The following CDHR3 variants were observed in gnomAD, a reference collection of about 807,000 sequenced individuals.
CDHR3 encodes the protein cadherin related family member 3.
A neutral mutation model predicts 86.6 loss-of-function variants in CDHR3; 79 were observed. The observed-to-expected ratio is 0.91, with a 90% CI of 0.76 to 1.10. The LOEUF is 1.10. Ranked by LOEUF, CDHR3 falls within the 50% of genes least tolerant of loss-of-function variation. The pLI is 0.00. For missense variants in CDHR3, 1,081 were observed against 1,077.6 expected (o/e 1.00, Z -0.04); for synonymous variants, 421 against 402.4 (o/e 1.05, Z -0.55).
At chr7:106,009,086 T>C (rs1834370942) in intron 8 of CDHR3, among the ~76,000 whole-genome samples, 1 of 152,218 alleles carries the variant, frequency 6.6e-6, no homozygotes, top group Admixed American at 6.5e-5. Context: ...AACAGAGTCC[T>C]GCACTTGATA....
Position 106,020,515 on chromosome 7 carries a change from C to G in CDHR3, c.1796C>G (p.Pro599Arg), listed in dbSNP as rs778459268. 6.2e-7 allele frequency: 1 copy of G among 1,613,876 alleles called. No homozygotes were observed. The highest frequency in any genetic ancestry group is 1.1e-5 in the South Asian group (1 of 91,068). The change falls in exon 13 of 19, where the codon CCC becomes CGC. Residue 599 changes from proline (P) to arginine (R), a missense_variant. Coordinates refer to ENST00000317716, the MANE Select transcript of CDHR3 (RefSeq NM_152750.5). ...KLTCTDLDSS[P>R]RSFRYSIGPG... The stretch of plus-strand genomic sequence containing the variant: ...ACATGTACCGACCTTGATTCCAGCC[C>G]CAGATCTTTCCGTTATTCCATTGGC...
At chr7:105,996,473 A>C in intron 6 of CDHR3, 119 bp downstream of exon 6, 1 of 563,438 alleles carries the variant, frequency 1.8e-6, no homozygotes, top group South Asian at 2.5e-5. Context: ...GGCCTGCAGG[A>C]AAGATTAGAG....
At chr7:106,003,989 C>CAAAAAAAAAA (rs55815648) in intron 7 of CDHR3, among the ~76,000 whole-genome samples, 41 of 79,906 alleles carry the variant, frequency 5.1e-4, no homozygotes, top group East Asian at 8.7e-4. Flanking sequence ...CCAACCTAAC[C>CAAAAAAAAAA]AAAAAAAAAA....
At chr7:106,001,663 T>C in intron 7 of CDHR3, 53 bp downstream of exon 7, 1 of 1,605,642 alleles carries the variant, frequency 6.2e-7, no homozygotes, top group Non-Finnish European at 8.5e-7. Context: ...GCCATGTGGA[T>C]TGTCTTACAA....
intron 11 of CDHR3, among the ~76,000 whole-genome samples, 190 bp from the exon 12 acceptor site, chr7:106,017,656 G>A (rs1024015734): frequency 6.6e-6 from 1 of 151,828 alleles, no homozygotes; most frequent in African/African-American, 2.4e-5. Flanking sequence ...TTGGATCATA[G>A]GGTCAGTTAC....
At position 106,030,943 on chromosome 7, in the gene CDHR3, A is replaced by G; in HGVS notation, c.2353+103A>G. The G allele has an allele frequency of 8.5e-7, 1 of 1,177,530 alleles. No homozygotes were observed. The highest frequency in any genetic ancestry group is 1.2e-6 in the Non-Finnish European group (1 of 812,008). The allele number at this position is 1,177,530 out of a possible 1,614,324, so 72.9% of individuals were successfully genotyped here. A position where few individuals can be genotyped will look rare whatever the true frequency, so the allele number is the denominator to read the frequency against. On this transcript the variant is annotated intron_variant, in intron 18 of 18. Coordinates refer to ENST00000317716, the MANE Select transcript of CDHR3 (RefSeq NM_152750.5). The surrounding 1 kb of genome is among the most constrained non-coding windows in gnomAD (Gnocchi z 4.8). ...TTCCTGCTTTTAGCTCATTTTGTCA[A>G]TCCGTTTGGCTATGTTGCCTATATA...
rs934947249 is a variant in CDHR3 at position 106,036,141 on chromosome 7, G to A, written c.*3444G>A. 1 of 152,152 alleles carries A rather than the reference G, an allele frequency of 6.6e-6. No individual in the cohort carries two copies. Among genetic ancestry groups the A allele is most frequent in the African/African-American group, 2.4e-5 (1 of 41,430 alleles). 9.4% of individuals were successfully genotyped at this position (152,152 alleles called of 1,614,324 possible). A position where few individuals can be genotyped will look rare whatever the true frequency, so the allele number is the denominator to read the frequency against. ...GTAGATTGTGACATTGGAGCTTTTTGTTGTGCTCATTAGAAAGCAGGGTCT... is the reference window on the plus strand; with the variant it reads ...GTAGATTGTGACATTGGAGCTTTTTATTGTGCTCATTAGAAAGCAGGGTCT... On this transcript the variant is annotated 3_prime_UTR_variant, in exon 19 of 19. Coordinates refer to ENST00000317716, the MANE Select transcript of CDHR3 (RefSeq NM_152750.5).
chr7:105,973,340 G>A (rs752717381), intron 1 of CDHR3, among the ~76,000 whole-genome samples: 13 of 152,034 alleles, frequency 8.6e-5, no homozygotes, highest in Non-Finnish European at 1.6e-4. Context: ...CGTTTCCTAG[G>A]GCTGCTGTAA....
intron 7 of CDHR3, among the ~76,000 whole-genome samples, chr7:106,002,405 C>T (rs1833326751): frequency 6.6e-6 from 1 of 152,134 alleles, no homozygotes; most frequent in Non-Finnish European, 1.5e-5. Context: ...GTGTGATAAA[C>T]CTGGGAGAAT....
chr7:106,026,639 A>G (rs1452981185), intron 15 of CDHR3, 43 bp from the exon 16 acceptor site: 1 of 1,610,182 alleles, frequency 6.2e-7, no homozygotes, highest in Middle Eastern at 1.6e-4. Context: ...CCAGTGCAGC[A>G]TACTTTCAAG....
In CDHR3 at chr7:106,035,778, T is replaced by C. The variant is rs985177114; in HGVS notation, c.*3081T>C. The C allele has an allele frequency of 2.0e-5, 3 of 152,184 alleles. No individual in the cohort carries two copies. Among genetic ancestry groups the C allele is most frequent in the Middle Eastern group, 3.4e-3 (1 of 292 alleles). 9.4% of individuals were successfully genotyped at this position (152,184 alleles called of 1,614,324 possible). On this transcript the variant is annotated 3_prime_UTR_variant, in exon 19 of 19. Coordinates refer to ENST00000317716, the MANE Select transcript of CDHR3 (RefSeq NM_152750.5). The stretch of plus-strand genomic sequence containing the variant: ...GTCACGCTCCTGTGCAAACATCTGA[T>C]TGGTTGCAAAAAGCAACCAATCAGA...
At chr7:105,967,048 G>C (rs1322867647) in intron 1 of CDHR3, among the ~76,000 whole-genome samples, 1 of 151,866 alleles carries the variant, frequency 6.6e-6, no homozygotes, top group Non-Finnish European at 1.5e-5. Context: ...TTGGTGTGCT[G>C]CACTCATTAA....
At position 106,020,449 on chromosome 7, in the gene CDHR3, T is replaced by A; in HGVS notation, c.1730T>A (p.Val577Glu). 6.2e-7 allele frequency: 1 copy of A among 1,613,996 alleles called. No individual in the cohort carries two copies. The highest frequency in any genetic ancestry group is 8.5e-7 in the Non-Finnish European group (1 of 1,179,894). Residue 577 changes from valine (V) to glutamate (E), a missense_variant, in exon 13 of 19, where the codon GTG becomes GAG. Transcript: ENST00000317716. ...TPNSYFLALP[V>E]DLKVGTNIQN... Reference sequence around the variant, plus strand: ...AACTCTTATTTCCTGGCCCTCCCAGTGGATCTGAAAGTTGGCACAAATATT... The same window carrying A: ...AACTCTTATTTCCTGGCCCTCCCAGAGGATCTGAAAGTTGGCACAAATATT...
At chr7:105,967,233 G>T (rs1388948464) in intron 1 of CDHR3, among the ~76,000 whole-genome samples, 1 of 152,134 alleles carries the variant, frequency 6.6e-6, no homozygotes, top group Non-Finnish European at 1.5e-5. Flanking sequence ...GCGATAGTTT[G>T]CTAAGAATGA....
At chr7:106,028,404 A>G (rs1324490299) in intron 16 of CDHR3, 147 bp from the exon 17 acceptor site, 2 of 868,822 alleles carry the variant, frequency 2.3e-6, no homozygotes, top group Non-Finnish European at 3.8e-6. Context: ...GTTGTCAAGA[A>G]ACATATCTAT....
intron 9 of CDHR3, 97 bp downstream of exon 9, chr7:106,013,128 A>C: frequency 8.8e-7 from 1 of 1,137,504 alleles, no homozygotes; most frequent in Non-Finnish European, 1.2e-6. Flanking sequence ...TTCCAAGGTA[A>C]CCCCCTCTCA....
rs372965602 is a variant in CDHR3, at chr7:105,963,314, C to G, written c.-5C>G. The G allele has an allele frequency of 1.2e-6, 2 of 1,613,980 alleles. No homozygotes were observed. The highest frequency in any genetic ancestry group is 1.7e-5 in the Admixed American group (1 of 60,034). On this transcript the variant is annotated 5_prime_UTR_variant, in exon 1 of 19. In the 5' UTR this introduces an upstream ATG that the reference lacks. Coordinates refer to ENST00000317716, the MANE Select transcript of CDHR3 (RefSeq NM_152750.5). Reference sequence around the variant, plus strand: ...TGGAAGCACGCACAGTTGTGACCATCAAGTATGCAGGAAGCAATCATTCTC... The same window carrying G: ...TGGAAGCACGCACAGTTGTGACCATGAAGTATGCAGGAAGCAATCATTCTC...
At chr7:106,011,610 T>C (rs1834818882) in intron 8 of CDHR3, among the ~76,000 whole-genome samples, 2 of 152,246 alleles carry the variant, frequency 1.3e-5, no homozygotes, top group Middle Eastern at 6.8e-3. Context: ...CCATAAATGC[T>C]TGTTGTTTTA....
intron 11 of CDHR3, among the ~76,000 whole-genome samples, chr7:106,016,459 A>G (rs986460089): frequency 5.3e-5 from 8 of 152,090 alleles, no homozygotes; most frequent in Non-Finnish European, 1.0e-4. Flanking sequence ...TCCCCTACTA[A>G]GATTCCCTGA....
Sources: gnomAD v4.1 joint callset for allele counts (sites outside exome capture counted in the v4.1 genomes callset) on GRCh38, gnomAD v4.1.1 for gene constraint, Gnocchi (gnomAD v3.1) non-coding constraint, MANE v1.5 for transcripts, NCBI Gene and HGNC (gene_info 2026-07-23, HGNC 2026-07-21) for gene names.